The following MAF variants were observed in gnomAD, a reference collection of about 807,000 sequenced individuals.
MAF encodes the protein transcription factor Maf.
MAF carries 10 observed loss-of-function variants against 22.0 expected under a neutral mutation model. The observed-to-expected ratio is 0.45, with a 90% CI of 0.28 to 0.77. The LOEUF is 0.77. Among genes scored for constraint, MAF ranks in the 30% least tolerant of loss-of-function variants. The probability of loss-of-function intolerance (pLI) is 0.12; values close to 1 mark genes in which losing one functional copy is unlikely to be tolerated. For synonymous variants in MAF, 337 were observed against 255.8 expected (o/e 1.32, Z -3.03); for missense variants, 544 against 548.4 (o/e 0.99, Z 0.08).
chr16:79,323,592 A>T, the MAF span, among the ~76,000 whole-genome samples: 1 of 152,156 alleles, frequency 6.6e-6, no homozygotes, highest in South Asian at 2.1e-4. Flanking sequence ...ACACGCTCCC[A>T]TGGGCACCGG....
At chr16:79,298,532 G>C in the MAF span, among the ~76,000 whole-genome samples, 1 of 152,206 alleles carries the variant, frequency 6.6e-6, no homozygotes, top group African/African-American at 2.4e-5. Flanking sequence ...CCTAGCTGAA[G>C]TTTGAAGGGT....
the MAF span, among the ~76,000 whole-genome samples, chr16:79,219,273 C>T: frequency 6.6e-6 from 1 of 152,192 alleles, no homozygotes; most frequent in Non-Finnish European, 1.5e-5. Context: ...GACAATGTCT[C>T]ATCTGATGCT....
the MAF span, among the ~76,000 whole-genome samples, chr16:79,552,820 G>A: frequency 6.6e-6 from 1 of 152,144 alleles, no homozygotes; most frequent in Admixed American, 6.5e-5. Context: ...CAAGGCTGGT[G>A]CAAAGCTAAG....
chr16:79,249,615 AAGG>A, the MAF span, among the ~76,000 whole-genome samples: 1 of 152,138 alleles, frequency 6.6e-6, no homozygotes, highest in African/African-American at 2.4e-5. Flanking sequence ...TACATGGTTT[AAGG>A]TAATTTGTTC....
chr16:79,398,815 G>C, the MAF span, among the ~76,000 whole-genome samples: 4 of 152,110 alleles, frequency 2.6e-5, no homozygotes, highest in South Asian at 8.3e-4. Context: ...TCAACCCCAA[G>C]ACTAGGTTCA....
chr16:79,357,058 A>C, the MAF span, among the ~76,000 whole-genome samples: 1 of 152,148 alleles, frequency 6.6e-6, no homozygotes, highest in Non-Finnish European at 1.5e-5. Context: ...GGAGTTTAAG[A>C]CCAGCCAGGC....
the MAF span, among the ~76,000 whole-genome samples, chr16:79,228,167 G>C: frequency 6.6e-6 from 1 of 152,020 alleles, no homozygotes; most frequent in Non-Finnish European, 1.5e-5. Context: ...CCTCCCAAAG[G>C]GAGGTTGGGA....
the MAF span, among the ~76,000 whole-genome samples, chr16:79,378,587 T>A: frequency 6.6e-6 from 1 of 152,200 alleles, no homozygotes; most frequent in African/African-American, 2.4e-5. Context: ...AAAATAGAGA[T>A]AATGCTGAGT....
chr16:79,585,966 A>G, intron 1 of MAF: 1 of 670,610 alleles, frequency 1.5e-6, no homozygotes, highest in East Asian at 2.7e-5. Context: ...ATATTAAAAT[A>G]AACAAAGGGT....
chr16:79,507,033 T>C, the MAF span, among the ~76,000 whole-genome samples: 1 of 152,152 alleles, frequency 6.6e-6, no homozygotes, highest in Non-Finnish European at 1.5e-5. Flanking sequence ...CTATCTTTCT[T>C]CCTATCTGTC....
the MAF span, among the ~76,000 whole-genome samples, chr16:79,332,206 C>T: frequency 4.2e-3 from 643 of 152,322 alleles, 2 homozygotes; most frequent in Non-Finnish European, 6.5e-3. Flanking sequence ...ACAAAACTGA[C>T]GTGCTATCTA....
the MAF span, among the ~76,000 whole-genome samples, chr16:79,559,041 GTGTT>G: frequency 2.0e-5 from 3 of 152,140 alleles, no homozygotes; most frequent in African/African-American, 4.8e-5. Flanking sequence ...TGGTGGCTGT[GTGTT>G]TGTTTGTGAG....
At chr16:79,363,200 G>T in the MAF span, among the ~76,000 whole-genome samples, 4 of 152,098 alleles carry the variant, frequency 2.6e-5, no homozygotes, top group South Asian at 4.2e-4. Context: ...ACAAGGGTAG[G>T]GGGGTGGGGA....
chr16:79,420,789 G>A, the MAF span, among the ~76,000 whole-genome samples: 1 of 152,186 alleles, frequency 6.6e-6, no homozygotes, highest in East Asian at 1.9e-4. Flanking sequence ...TAGCACTTTT[G>A]GAGGCCAAGG....
At chr16:79,313,004 G>A in the MAF span, among the ~76,000 whole-genome samples, 1 of 152,208 alleles carries the variant, frequency 6.6e-6, no homozygotes, top group Non-Finnish European at 1.5e-5. Flanking sequence ...GCAATTAAAA[G>A]CATGGGCTTC....
the MAF span, among the ~76,000 whole-genome samples, chr16:79,405,448 A>G: frequency 1.3e-5 from 2 of 152,230 alleles, no homozygotes; most frequent in African/African-American, 4.8e-5. Flanking sequence ...AAAGTAATTT[A>G]CCATCTGAGG....
the MAF span, among the ~76,000 whole-genome samples, chr16:79,345,032 CAAAAGGAATAAT>C: frequency 6.6e-6 from 1 of 152,148 alleles, no homozygotes; most frequent in Non-Finnish European, 1.5e-5. Context: ...CTTAGATTTA[CAAAAGGAATAAT>C]AATAGGAATA....
chr16:79,461,687 G>C, the MAF span, among the ~76,000 whole-genome samples: 1 of 152,144 alleles, frequency 6.6e-6, no homozygotes, highest in Admixed American at 6.5e-5. Flanking sequence ...TGGAGAAATG[G>C]GAGAGGGCGC....
the MAF span, among the ~76,000 whole-genome samples, chr16:79,576,273 A>G: frequency 7.0e-6 from 1 of 141,956 alleles, no homozygotes; most frequent in Non-Finnish European, 1.5e-5. Flanking sequence ...CCAGTACTTT[A>G]GGCAACCATT....
Sources: allele counts gnomAD v4.1 joint callset (sites outside exome capture counted in the v4.1 genomes callset), GRCh38; gene constraint gnomAD v4.1.1; transcripts MANE v1.5; gene names NCBI Gene and HGNC (gene_info 2026-07-23, HGNC 2026-07-21).